Variants in ANKRD31 observed in about 807,000 individuals in gnomAD.
ANKRD31 encodes the protein ankyrin repeat domain 31.
ANKRD31 carries 147 observed loss-of-function variants against 186.0 expected under a neutral mutation model. The ratio of observed to expected loss-of-function variants is 0.79; its 90% CI spans 0.69 to 0.91. ANKRD31 has a LOEUF of 0.91. Among genes scored for constraint, ANKRD31 ranks in the 40% least tolerant of loss-of-function variants. The pLI is 0.00. For missense variants in ANKRD31, 1,986 were observed against 2,148.8 expected (o/e 0.92, Z 1.50); for synonymous variants, 673 against 736.4 (o/e 0.91, Z 1.39).
intron 25 of ANKRD31, among the ~76,000 whole-genome samples, chr5:75,070,975 C>T (rs1370237189): frequency 6.6e-6 from 1 of 152,144 alleles, no homozygotes; most frequent in Non-Finnish European, 1.5e-5. Context: ...TTAATCAGAG[C>T]ATGGAGCTAA....
chr5:75,090,054 G>C (rs1745813457), intron 23 of ANKRD31, among the ~76,000 whole-genome samples: 1 of 152,202 alleles, frequency 6.6e-6, no homozygotes, highest in South Asian at 2.1e-4. Context: ...TATGCTATCT[G>C]TCCTGTGAGC....
chr5:75,219,349 C>T (rs761119841), intron 3 of ANKRD31, among the ~76,000 whole-genome samples: 1 of 152,020 alleles, frequency 6.6e-6, no homozygotes, highest in Non-Finnish European at 1.5e-5. Context: ...CCAAAAGCAG[C>T]CAAACTGACA....
In ANKRD31 at chr5:75,146,947, G is replaced by C. The variant is rs1278946598; in HGVS notation, c.2464C>G (p.Gln822Glu). The C allele has an allele frequency of 6.5e-7, 1 of 1,536,144 alleles. No homozygotes were observed. The highest frequency in any genetic ancestry group is 8.7e-7 in the Non-Finnish European group (1 of 1,146,316). The change falls in exon 14 of 26, where the codon CAA becomes GAA. Residue 822 changes from glutamine to glutamate, a missense_variant. Transcript: ENST00000506364. ...TCAACAGATTCTAATTCCAAGCATTGAACTTCTTGACTATCTGATAAATCC... is the reference window on the plus strand; with the variant it reads ...TCAACAGATTCTAATTCCAAGCATTCAACTTCTTGACTATCTGATAAATCC... ...NLDLSDSQEV[Q>E]CLELESVDQT...
At chr5:75,235,241 CT>C (rs35626841) in intron 1 of ANKRD31, among the ~76,000 whole-genome samples, 4,857 of 99,698 alleles carry the variant, frequency 0.049, 100 homozygotes, top group African/African-American at 0.13. Flanking sequence ...CTTGCTGGTA[CT>C]TTTTTTTTTT....
Position 75,195,902 on chromosome 5 carries a change from T to G in ANKRD31, c.746A>C (p.Lys249Thr), listed in dbSNP as rs1755434225. The change falls in exon 7 of 26, where the codon AAA becomes ACA. Residue 249 changes from lysine to threonine, a missense_variant. Lys to Thr is a moderately conservative substitution (Grantham distance 78, BLOSUM62 -1). Transcript: ENST00000506364. ...GTCACTCAATGGGTTCATCAATTCT[T>G]TACGATCAAAATCACTTACTAATTC... The part of the protein sequence containing the change: ...LFELVSDFDR[K>T]ELMNPLSDSL... The G allele has an allele frequency of 6.5e-7, 1 of 1,536,332 alleles. No homozygotes were observed. The highest frequency in any genetic ancestry group is 1.4e-5 in the African/African-American group (1 of 72,950).
intron 13 of ANKRD31, among the ~76,000 whole-genome samples, chr5:75,147,842 C>A (rs1456223003): frequency 1.3e-5 from 2 of 151,770 alleles, no homozygotes; most frequent in Non-Finnish European, 2.9e-5. Context: ...TTAAATTAAT[C>A]AGATCAAAGT....
intron 22 of ANKRD31, among the ~76,000 whole-genome samples, chr5:75,093,945 G>T (rs1746128520): frequency 6.6e-6 from 1 of 152,112 alleles, no homozygotes; most frequent in Non-Finnish European, 1.5e-5. Context: ...AGGCTAATAT[G>T]AATCCACATG....
At chr5:75,212,329 T>C (rs1451686389) in intron 3 of ANKRD31, among the ~76,000 whole-genome samples, 1 of 152,102 alleles carries the variant, frequency 6.6e-6, no homozygotes, top group Non-Finnish European at 1.5e-5. Flanking sequence ...AATACTAAAC[T>C]GGGCAGGGCA....
In ANKRD31 at chr5:75,104,930, T is replaced by C. The variant is rs765603500; in HGVS notation, c.4629A>G (p.Gln1543=). 6 of 1,537,170 alleles carry C rather than the reference T, an allele frequency of 3.9e-6. No individual in the cohort carries two copies. The highest frequency in any genetic ancestry group is 5.2e-6 in the Non-Finnish European group (6 of 1,146,890). ...SPVSGSMQET[Q]LSLETWNYSQ... ...TGTAGTTCCAAGTTTCCAGAGACAA[T>C]TGTGTTTCCTGCATGCTTCCAGAAA... The change falls in exon 22 of 26, where the codon CAA becomes CAG. Residue 1543 remains glutamine, a synonymous_variant. Coordinates refer to ENST00000506364, the MANE Select transcript of ANKRD31 (RefSeq NM_001372053.1).
At chr5:75,215,511 C>G (rs1186487278) in intron 3 of ANKRD31, among the ~76,000 whole-genome samples, 2 of 151,930 alleles carry the variant, frequency 1.3e-5, no homozygotes, top group Non-Finnish European at 2.9e-5. Context: ...AAACTGCTTG[C>G]CATATAGCAT....
At chr5:75,220,029 T>C (rs1394413419) in intron 3 of ANKRD31, among the ~76,000 whole-genome samples, 3 of 152,114 alleles carry the variant, frequency 2.0e-5, no homozygotes, top group African/African-American at 7.2e-5. Flanking sequence ...CGTAAAACTA[T>C]AGAAACCCTG....
intron 17 of ANKRD31, among the ~76,000 whole-genome samples, chr5:75,130,226 G>T (rs530625951): frequency 1.3e-5 from 2 of 152,248 alleles, no homozygotes; most frequent in South Asian, 4.2e-4. Flanking sequence ...TCGTGGTCTC[G>T]CTGGCTTCAA....
chr5:75,154,388 G>A (rs996376976), intron 11 of ANKRD31, 43 bp from the exon 12 acceptor site: 1 of 1,476,782 alleles, frequency 6.8e-7, no homozygotes. Context: ...GATTGAGGGT[G>A]TATTACTGTG....
At chr5:75,083,749 G>C (rs1043981156) in intron 24 of ANKRD31, among the ~76,000 whole-genome samples, 2 of 151,916 alleles carry the variant, frequency 1.3e-5, no homozygotes, top group East Asian at 3.9e-4. Flanking sequence ...AAAAAAGTTG[G>C]GGGGGAAGCA....
chr5:75,104,325 T>C lies in ANKRD31; in HGVS notation c.5234A>G (p.Tyr1745Cys), dbSNP rs1561423713. The change falls in exon 22 of 26, where the codon TAC (tyrosine) becomes TGC (cysteine). Residue 1745 changes from tyrosine (Y) to cysteine (C), a missense_variant. Coordinates refer to ENST00000506364, the MANE Select transcript of ANKRD31 (RefSeq NM_001372053.1). ...QQDTIKKALNYSTAPKKKCIQ... is the reference protein window; with the variant it reads ...QQDTIKKALNCSTAPKKKCIQ... ...ACATTTCTTTTTAGGAGCTGTACTG[T>C]AGTTTAAAGCCTTTTTTATTGTATC... 2.0e-6 allele frequency: 3 copies of C among 1,537,244 alleles called. No individual in the cohort carries two copies. The South Asian group carries it at 3.6e-5, about 18-fold the overall frequency.
At position 75,146,923 on chromosome 5, in the gene ANKRD31, C is replaced by T. The variant is rs183754401; in HGVS notation, c.2488G>A (p.Asp830Asn). The T allele has an allele frequency of 7.2e-4, 1,100 of 1,536,318 alleles. 12 individuals are homozygous for T. In the Admixed American group the frequency reaches 9.1e-3, roughly 13 times the overall value. ...GGGAAAGAAACAGCTTCAGTTTGGTCAACAGATTCTAATTCCAAGCATTGA... is the reference window on the plus strand; with the variant it reads ...GGGAAAGAAACAGCTTCAGTTTGGTTAACAGATTCTAATTCCAAGCATTGA... ...EVQCLELESV[D>N]QTEAVSFPGL... Residue 830 changes from aspartate (D) to asparagine (N), a missense_variant, in exon 14 of 26, where the codon GAC (aspartate) becomes AAC (asparagine). Asp to Asn is a conservative substitution (Grantham distance 23, BLOSUM62 1). Transcript: ENST00000506364.
chr5:75,163,380 G>A (rs1752701782), intron 11 of ANKRD31, among the ~76,000 whole-genome samples: 3 of 152,190 alleles, frequency 2.0e-5, no homozygotes, highest in African/African-American at 7.2e-5. Flanking sequence ...GGGGAACCTG[G>A]TGTTGGTGTG....
chr5:75,174,483 C>T (rs868558161), intron 10 of ANKRD31, among the ~76,000 whole-genome samples: 6 of 152,138 alleles, frequency 3.9e-5, no homozygotes, highest in Non-Finnish European at 8.8e-5. Flanking sequence ...GCACTCTACC[C>T]ATCTGACAAA....
chr5:75,208,919 C>G (rs183295312), intron 4 of ANKRD31, among the ~76,000 whole-genome samples: 166 of 152,324 alleles, frequency 1.1e-3, no homozygotes, highest in Middle Eastern at 6.8e-3. Context: ...TGATTTTCCC[C>G]CATGTACATT....
Sources: gnomAD v4.1 joint callset for allele counts (sites outside exome capture counted in the v4.1 genomes callset) on GRCh38, gnomAD v4.1.1 for gene constraint, MANE v1.5 for transcripts, NCBI Gene and HGNC (gene_info 2026-07-23, HGNC 2026-07-21) for gene names.